Variants in SLC41A2 observed in about 807,000 individuals in gnomAD.
SLC41A2 encodes the protein solute carrier family 41 member 2.
SLC41A2 carries 32 observed loss-of-function variants against 58.3 expected under a neutral mutation model. That is an observed-to-expected ratio of 0.55 (90% CI 0.41 to 0.74). The LOEUF is 0.74. Ranked by LOEUF, SLC41A2 falls within the 30% of genes least tolerant of loss-of-function variation. The pLI, the probability that SLC41A2 is intolerant of heterozygous loss-of-function variation, is 0.00. For synonymous variants in SLC41A2, 190 were observed against 235.0 expected (o/e 0.81, Z 1.75); for missense variants, 514 against 680.6 (o/e 0.76, Z 2.72).
Position 104,892,328 on chromosome 12 carries a change from A to AAAAAAAAC in SLC41A2, c.735+2945_735+2946insGTTTTTTT, listed in dbSNP as rs1272873332. 4.4e-4 allele frequency among the ~76,000 whole-genome samples: 56 copies of AAAAAAAAC among 126,898 alleles called. 3 individuals are homozygous for AAAAAAAAC. Among genetic ancestry groups the AAAAAAAAC allele is most frequent in the East Asian group, 3.8e-3 (11 of 2,900 alleles). The allele number at this position is 126,898 out of a possible 152,430, so 83.3% of individuals were successfully genotyped here. On this transcript the variant is annotated intron_variant, in intron 4 of 10. Transcript: ENST00000258538. ...AAATAAAATAAAATAAAATAAAATA[A>AAAAAAAAC]AATAAAATATTGATGCAAGAAATTG... is the stretch of plus-strand genomic sequence containing the variant.
chr12:104,907,378 TA>T (rs1267396308), intron 3 of SLC41A2, among the ~76,000 whole-genome samples: 4 of 152,208 alleles, frequency 2.6e-5, no homozygotes, highest in Admixed American at 1.3e-4. Context: ...GTGAATTTAC[TA>T]AAGTAATTCT....
intron 3 of SLC41A2, among the ~76,000 whole-genome samples, chr12:104,904,212 C>T (rs1018404311): frequency 3.3e-5 from 5 of 152,142 alleles, no homozygotes; most frequent in Non-Finnish European, 1.5e-5. Context: ...GATAAGCTAG[C>T]CAAAACTTCA....
At chr12:104,824,051 G>A (rs544635603) in intron 10 of SLC41A2, among the ~76,000 whole-genome samples, 1 of 152,260 alleles carries the variant, frequency 6.6e-6, no homozygotes, top group African/African-American at 2.4e-5. Flanking sequence ...CCCTTTAAAT[G>A]ATACGGAAGA....
chr12:104,924,128 T>C (rs2046730787), intron 2 of SLC41A2, among the ~76,000 whole-genome samples: 1 of 151,916 alleles, frequency 6.6e-6, no homozygotes, highest in Admixed American at 6.6e-5. Flanking sequence ...GAAAAACAAA[T>C]AGAAAGATGG....
chr12:104,805,772 T>G (rs754147844), intron 10 of SLC41A2, among the ~76,000 whole-genome samples: 3 of 152,186 alleles, frequency 2.0e-5, no homozygotes, highest in Non-Finnish European at 4.4e-5. Context: ...ATTCGTTTAC[T>G]AATTATAAGG....
chr12:104,840,554 G>A (rs1375043616), intron 10 of SLC41A2, among the ~76,000 whole-genome samples: 1 of 152,114 alleles, frequency 6.6e-6, no homozygotes, highest in Non-Finnish European at 1.5e-5. Flanking sequence ...TGTGATTGGT[G>A]GTATGTCAAA....
intron 6 of SLC41A2, 125 bp downstream of exon 6, chr12:104,886,168 C>A: frequency 1.1e-6 from 1 of 938,832 alleles, no homozygotes; most frequent in Non-Finnish European, 1.5e-6. Context: ...GATAGTTATC[C>A]TAATCAGTCT....
intron 7 of SLC41A2, 23 bp downstream of exon 7, chr12:104,866,404 ACACAC>A: frequency 6.3e-7 from 1 of 1,599,080 alleles, no homozygotes; most frequent in South Asian, 1.1e-5. Flanking sequence ...ACACACACAC[ACACAC>A]ACACACATAT....
upstream of SLC41A2, chr12:104,958,535 G>GA (rs1192016777): frequency 6.6e-6 from 1 of 152,502 alleles, no homozygotes; most frequent in East Asian, 1.9e-4. Flanking sequence ...AGCCTGCCCA[G>GA]GAGAGAAGGG....
At chr12:104,827,094 A>G (rs2041872375) in intron 10 of SLC41A2, among the ~76,000 whole-genome samples, 1 of 152,184 alleles carries the variant, frequency 6.6e-6, no homozygotes, top group African/African-American at 2.4e-5. Context: ...GTTGTCCATG[A>G]TCGATCAGGG....
chr12:104,891,636 A>G (rs982436431), intron 4 of SLC41A2, among the ~76,000 whole-genome samples: 4 of 151,748 alleles, frequency 2.6e-5, no homozygotes, highest in Non-Finnish European at 5.9e-5. Context: ...ATGATATTTA[A>G]AAGAGGAAAG....
At chr12:104,890,717 A>G (rs534198580) in intron 4 of SLC41A2, among the ~76,000 whole-genome samples, 10 of 152,350 alleles carry the variant, frequency 6.6e-5, no homozygotes, top group Non-Finnish European at 1.3e-4. Context: ...GATGTTTGGT[A>G]CAGGACACGT....
At chr12:104,820,787 T>G (rs1034790863) in intron 10 of SLC41A2, among the ~76,000 whole-genome samples, 1 of 152,060 alleles carries the variant, frequency 6.6e-6, no homozygotes, top group African/African-American at 2.4e-5. Context: ...GGATTACAGG[T>G]GCCCGCCACC....
chr12:104,932,267 G>A (rs1442127719), intron 1 of SLC41A2, among the ~76,000 whole-genome samples: 1 of 152,026 alleles, frequency 6.6e-6, no homozygotes, highest in African/African-American at 2.4e-5. Flanking sequence ...ATAGCTTTGT[G>A]AGCAGTCCTA....
At chr12:104,836,735 T>C (rs1002412547) in intron 10 of SLC41A2, among the ~76,000 whole-genome samples, 8 of 152,202 alleles carry the variant, frequency 5.3e-5, no homozygotes, top group Admixed American at 2.0e-4. Context: ...ATTAGCTATT[T>C]AGACTTGGAA....
chr12:104,937,576 C>T (rs921862513), intron 1 of SLC41A2, among the ~76,000 whole-genome samples: 1 of 152,150 alleles, frequency 6.6e-6, no homozygotes, highest in Non-Finnish European at 1.5e-5. Context: ...CTCTATGATA[C>T]GCAATGATGA....
chr12:104,878,299 T>TTATACA (rs1555206631), intron 6 of SLC41A2, among the ~76,000 whole-genome samples: 1 of 139,920 alleles, frequency 7.1e-6, no homozygotes, highest in Non-Finnish European at 1.5e-5. Context: ...TACCTGTATT[T>TTATACA]TATATATATA....
intron 10 of SLC41A2, among the ~76,000 whole-genome samples, chr12:104,813,454 C>G (rs902540683): frequency 6.6e-6 from 1 of 152,036 alleles, no homozygotes; most frequent in African/African-American, 2.4e-5. Flanking sequence ...AACTAGAAGT[C>G]AATAGATAAT....
chr12:104,853,760 T>C (rs138643430), intron 8 of SLC41A2, among the ~76,000 whole-genome samples: 1,892 of 151,558 alleles, frequency 0.012, 54 homozygotes, highest in African/African-American at 0.044. Flanking sequence ...TGTATGTATT[T>C]AGAGACAGGG....
Sources: gnomAD v4.1 joint callset for allele counts (sites outside exome capture counted in the v4.1 genomes callset) on GRCh38, gnomAD v4.1.1 for gene constraint, MANE v1.5 for transcripts, NCBI Gene and HGNC (gene_info 2026-07-23, HGNC 2026-07-21) for gene names.